The following KIR2DL3 variants were observed in gnomAD, a reference collection of about 807,000 sequenced individuals.
The protein encoded by KIR2DL3 is killer cell immunoglobulin like receptor, two Ig domains and long cytoplasmic tail 3.
In KIR2DL3, 39 loss-of-function variants were observed where a neutral mutation model predicts 33.8. The observed-to-expected ratio is 1.15, with a 90% confidence interval of 0.89 to 1.51. KIR2DL3 has a LOEUF of 1.51. Among genes scored for constraint, KIR2DL3 ranks in the 40% most tolerant of loss-of-function variants. The pLI, the probability that KIR2DL3 is intolerant of heterozygous loss-of-function variation, is 0.00. For synonymous variants in KIR2DL3, 174 were observed against 160.2 expected (o/e 1.09, Z -0.65); for missense variants, 462 against 426.2 (o/e 1.08, Z -0.74).
chr19:54,748,115 C>T (rs2072845562), intron 5 of KIR2DL3, among the ~76,000 whole-genome samples: 2 of 150,214 alleles, frequency 1.3e-5, no homozygotes. Flanking sequence ...CTTCTAAAGG[C>T]TCCCAGTTCC....
Position 54,752,906 on chromosome 19 carries a change from T to G in KIR2DL3, c.*387T>G. The G allele has an allele frequency of 5.8e-6, 2 of 343,704 alleles. No individual in the cohort carries two copies. The highest frequency in any genetic ancestry group is 6.9e-5 in the South Asian group (2 of 28,990). The allele number at this position is 343,704 out of a possible 1,614,324, so 21.3% of individuals were successfully genotyped here. A position where few individuals can be genotyped will look rare whatever the true frequency, so the allele number is the denominator to read the frequency against. ...AAGAGGCTCCCTCTTAACACGGCAC[T>G]TAGACACGTGCTGTTCCACCTTCCC... On this transcript the variant is annotated 3_prime_UTR_variant, in exon 8 of 8. Transcript: ENST00000342376.
intron 2 of KIR2DL3, among the ~76,000 whole-genome samples, chr19:54,741,622 C>T (rs1208337591): frequency 6.6e-6 from 1 of 151,830 alleles, no homozygotes; most frequent in South Asian, 2.1e-4. Flanking sequence ...GCAATTCATC[C>T]AAAAGAGATT....
chr19:54,740,300 G>C (rs1482633795), intron 2 of KIR2DL3, among the ~76,000 whole-genome samples: 1 of 152,022 alleles, frequency 6.6e-6, no homozygotes. Context: ...CTGTCTGCCT[G>C]GCCCAGCCTT....
Position 54,742,018 on chromosome 19 carries a change from C to A in KIR2DL3, c.109C>A (p.Pro37Thr), listed in dbSNP as rs1348246961. The change falls in exon 3 of 8, where the codon CCC (proline) becomes ACC (threonine). Residue 37 changes from proline to threonine, a missense_variant. Pro to Thr is a conservative substitution (Grantham distance 38). Transcript: ENST00000342376. ...ACCTTCCCTCCTGGCCCACCCAGGT[C>A]CCCTGGTGAAATCAGAAGAGACAGT... is the stretch of plus-strand genomic sequence containing the variant. ...RKPSLLAHPG[P>T]LVKSEETVIL... The A allele has an allele frequency of 5.6e-6, 9 of 1,611,718 alleles. No homozygotes were observed. Among genetic ancestry groups the A allele is most frequent in the Middle Eastern group, 3.5e-4 (2 of 5,678 alleles).
At chr19:54,743,539 A>G (rs1194097441) in intron 3 of KIR2DL3, among the ~76,000 whole-genome samples, 6 of 152,238 alleles carry the variant, frequency 3.9e-5, no homozygotes, top group Non-Finnish European at 7.3e-5. Context: ...AAGTCAACCA[A>G]TCCAAGGAGA....
rs199625806 is a variant in KIR2DL3, at chr19:54,743,930, G to C, written c.506G>C (p.Arg169Pro). The C allele has an allele frequency of 1.9e-3, 3,141 of 1,614,106 alleles. 112 individuals are homozygous for C. In the Admixed American group the frequency reaches 0.045, roughly 23 times the overall value. The change falls in exon 4 of 8, where the codon CGT (arginine) becomes CCT (proline). Residue 169 changes from arginine (R) to proline (P), a missense_variant. Physicochemically the swap from Arg to Pro is moderately radical, Grantham distance 103. Coordinates refer to ENST00000342376, the MANE Select transcript of KIR2DL3 (RefSeq NM_015868.3). ...HLSREGEAHE[R>P]RFSAGPKVNG... Reference sequence around the variant, plus strand: ...TCCAGGGAGGGGGAGGCCCATGAACGTAGGTTCTCTGCAGGGCCCAAGGTC... The same window carrying C: ...TCCAGGGAGGGGGAGGCCCATGAACCTAGGTTCTCTGCAGGGCCCAAGGTC...
intron 5 of KIR2DL3, among the ~76,000 whole-genome samples, chr19:54,748,467 G>A (rs1407172998): frequency 1.4e-5 from 2 of 138,708 alleles, no homozygotes; most frequent in African/African-American, 2.6e-5. Context: ...GCATTCTCCT[G>A]CCTTCCACAA....
chr19:54,743,290 G>A (rs2071538412), intron 3 of KIR2DL3, among the ~76,000 whole-genome samples: 1 of 151,902 alleles, frequency 6.6e-6, no homozygotes, highest in Non-Finnish European at 1.5e-5. Context: ...TACAGATAGA[G>A]AGGCAGACAG....
chr19:54,752,686 A>G lies in KIR2DL3; in HGVS notation c.*167A>G. The G allele has an allele frequency of 3.0e-6, 3 of 1,014,526 alleles. No homozygotes were observed. Among genetic ancestry groups the G allele is most frequent in the South Asian group, 3.2e-5 (2 of 62,278 alleles). The allele number at this position is 1,014,526 out of a possible 1,614,324, so 62.8% of individuals were successfully genotyped here. A position where few individuals can be genotyped will look rare whatever the true frequency, so the allele number is the denominator to read the frequency against. ...GGGCATCGCTCTTCCTCACACCACA[A>G]ATCTGAACGTGCCTCTCCCTTGCTT... On this transcript the variant is annotated 3_prime_UTR_variant, in exon 8 of 8. Transcript: ENST00000342376.
Position 54,743,802 on chromosome 19 carries a change from T to C in KIR2DL3, c.378T>C (p.Tyr126=). 2 of 1,602,998 alleles carry C rather than the reference T, an allele frequency of 1.2e-6. No homozygotes were observed. Among genetic ancestry groups the C allele is most frequent in the Non-Finnish European group, 1.7e-6 (2 of 1,174,448 alleles). Residue 126 remains tyrosine (Y), a synonymous_variant, in exon 4 of 8, where the codon TAT becomes TAC. Transcript: ENST00000342376. The part of the protein sequence containing the change: ...DPLDIVITGL[Y]EKPSLSAQPG... ...ATGCCTCTTCTCCTCCAGGTCTATATGAGAAACCTTCTCTCTCAGCCCAGC... is the reference window on the plus strand; with the variant it reads ...ATGCCTCTTCTCCTCCAGGTCTATACGAGAAACCTTCTCTCTCAGCCCAGC...
rs1366967804 is a variant in KIR2DL3, at chr19:54,749,967, C to T, written c.716-1682C>T. 2.5e-5 allele frequency among the ~76,000 whole-genome samples: 3 copies of T among 121,898 alleles called. 1 individual carries two copies. The highest frequency in any genetic ancestry group is 9.6e-5 in the African/African-American group (3 of 31,110). 80.0% of individuals were successfully genotyped at this position (121,898 alleles called of 152,430 possible). ...ACGAATGACAAAGGCACCTGAATTC[C>T]AATCATCGTTTTTCTATTTCTCTAT... is the stretch of plus-strand genomic sequence containing the variant. On this transcript the variant is annotated intron_variant, in intron 5 of 7. Coordinates refer to ENST00000342376, the MANE Select transcript of KIR2DL3 (RefSeq NM_015868.3).
In KIR2DL3 at chr19:54,743,842, C is replaced by T. The variant is rs377026641; in HGVS notation, c.418C>T (p.Leu140=). Residue 140 remains leucine, a synonymous_variant, in exon 4 of 8, where the codon CTG becomes TTG. Transcript: ENST00000342376. ...SLSAQPGPTV[L]AGESVTLSCS... The stretch of plus-strand genomic sequence containing the variant: ...CTCAGCCCAGCCGGGCCCCACGGTT[C>T]TGGCAGGAGAGAGCGTGACCTTGTC... 0.15 allele frequency: 175,511 copies of T among 1,185,466 alleles called. 29 individuals are homozygous for T. The highest frequency in any genetic ancestry group is 0.23 in the South Asian group (14,179 of 61,540). 73.4% of individuals were successfully genotyped at this position (1,185,466 alleles called of 1,614,324 possible). A position where few individuals can be genotyped will look rare whatever the true frequency, so the allele number is the denominator to read the frequency against.
rs1184102564 is a variant in KIR2DL3 at position 54,745,890 on chromosome 19, A to G, written c.665-1445A>G. Among the ~76,000 whole-genome samples the G allele has an allele frequency of 6.8e-3, 961 of 141,168 alleles. 14 individuals carry two copies. Among genetic ancestry groups the G allele is most frequent in the African/African-American group, 0.024 (908 of 38,474 alleles). 92.6% of individuals were successfully genotyped at this position (141,168 alleles called of 152,430 possible). ...TGCAGTGGTGCGATCTCGGCTCACC[A>G]CAACCTCCACCTCCCAGGTTCAAGC... On this transcript the variant is annotated intron_variant, in intron 4 of 7. Transcript: ENST00000342376.
chr19:54,743,144 G>T (rs2071501136), intron 3 of KIR2DL3, among the ~76,000 whole-genome samples: 1 of 152,004 alleles, frequency 6.6e-6, no homozygotes, highest in South Asian at 2.1e-4. Context: ...GAGCAAGACA[G>T]ATGATAGATG....
At chr19:54,747,768 G>A (rs1022882835) in intron 5 of KIR2DL3, among the ~76,000 whole-genome samples, 3 of 152,152 alleles carry the variant, frequency 2.0e-5, no homozygotes, top group Non-Finnish European at 4.4e-5. Flanking sequence ...ACTTGCCAAG[G>A]AATGAATTAC....
intron 4 of KIR2DL3, among the ~76,000 whole-genome samples, chr19:54,745,446 T>A (rs1396738163): frequency 2.0e-5 from 3 of 151,882 alleles, no homozygotes; most frequent in South Asian, 4.2e-4. Context: ...CATTGCAACC[T>A]CCGCCTCCTG....
chr19:54,748,560 A>T (rs1225865851), intron 5 of KIR2DL3, among the ~76,000 whole-genome samples: 1 of 148,630 alleles, frequency 6.7e-6, no homozygotes, highest in Non-Finnish European at 1.5e-5. Context: ...AAATGAATGC[A>T]CAAGTGGATC....
chr19:54,738,909 A>AG (rs1285796475), intron 1 of KIR2DL3, among the ~76,000 whole-genome samples: 160 of 36,580 alleles, frequency 4.4e-3, no homozygotes, highest in East Asian at 7.0e-3. Context: ...ATGGGCCTGG[A>AG]GTGGAGATAT....
intron 4 of KIR2DL3, among the ~76,000 whole-genome samples, chr19:54,744,807 G>A (rs1464915132): frequency 2.0e-5 from 3 of 149,038 alleles, no homozygotes; most frequent in South Asian, 2.1e-4. Flanking sequence ...TTACAGGCAT[G>A]AGCCACCACG....
Sources: allele counts gnomAD v4.1 joint callset (sites outside exome capture counted in the v4.1 genomes callset), GRCh38; gene constraint gnomAD v4.1.1; transcripts MANE v1.5; gene names NCBI Gene and HGNC (gene_info 2026-07-23, HGNC 2026-07-21).